SETMAR: variants seen among roughly 807,000 people sequenced by gnomAD.
SETMAR encodes histone-lysine N-methyltransferase SETMAR.
SETMAR carries 44 observed loss-of-function variants against 58.4 expected under a neutral mutation model. The ratio of observed to expected loss-of-function variants is 0.75; its 90% CI spans 0.59 to 0.97. SETMAR has a LOEUF of 0.97. SETMAR is among the 50% of genes least tolerant of loss of function. The pLI, the probability that SETMAR is intolerant of heterozygous loss-of-function variation, is 0.00. For missense variants in SETMAR, 903 were observed against 840.2 expected (o/e 1.07, Z -0.92); for synonymous variants, 332 against 307.4 (o/e 1.08, Z -0.84).
chr3:4,305,140 T>C (rs1302473522), intron 1 of SETMAR, among the ~76,000 whole-genome samples: 2 of 151,876 alleles, frequency 1.3e-5, no homozygotes, highest in African/African-American at 2.4e-5. Flanking sequence ...CAGGCTAGAG[T>C]GTGGTGGTGC....
In SETMAR at chr3:4,316,578, G is replaced by A. The variant is rs867952771; in HGVS notation, c.1387G>A (p.Glu463Lys). The A allele has an allele frequency of 1.3e-6, 2 of 1,552,000 alleles. No homozygotes were observed. The highest frequency in any genetic ancestry group is 1.7e-4 in the Middle Eastern group (1 of 6,004). ...AAAGCTCGATAAGTGGGTGCCTCAT[G>A]AGCTGACTGAAAATCAAAAAAATCG... ...VKKLDKWVPH[E>K]LTENQKNRRF... Residue 463 changes from glutamate to lysine, a missense_variant, in exon 3 of 3, where the codon GAG becomes AAG. By Grantham distance (56) the Glu-to-Lys change is moderately conservative. Transcript: ENST00000358065.
intron 2 of SETMAR, among the ~76,000 whole-genome samples, chr3:4,314,859 T>C (rs2125104301): frequency 6.6e-6 from 1 of 152,374 alleles, no homozygotes; most frequent in South Asian, 2.1e-4. Context: ...TAATTTAATT[T>C]CTTCTCTAGT....
chr3:4,303,634 C>G, intron 1 of SETMAR, 108 bp downstream of exon 1: 1 of 1,418,656 alleles, frequency 7.0e-7, no homozygotes, highest in African/African-American at 1.5e-5. Context: ...TTTGTCTTCT[C>G]TTACAGCGCA....
At chr3:4,312,598 C>T (rs1698449719) in intron 1 of SETMAR, among the ~76,000 whole-genome samples, 1 of 151,244 alleles carries the variant, frequency 6.6e-6, no homozygotes, top group Non-Finnish European at 1.5e-5. Context: ...GTAGCTGTAG[C>T]AGCTAAGGAA....
intron 1 of SETMAR, among the ~76,000 whole-genome samples, chr3:4,311,874 G>T (rs188553933): frequency 6.6e-6 from 1 of 152,294 alleles, no homozygotes; most frequent in Admixed American, 6.5e-5. Context: ...AAAAAAATCT[G>T]CTGGGTTCAT....
rs747442989 is a variant in SETMAR, at chr3:4,316,893, C to G, written c.1702C>G (p.Gln568Glu). 24 of 1,549,320 alleles carry G rather than the reference C, an allele frequency of 1.5e-5. No homozygotes were observed. In the South Asian group the frequency reaches 2.9e-4, roughly 18 times the overall value. Residue 568 changes from glutamine to glutamate, a missense_variant, in exon 3 of 3, where the codon CAA becomes GAA. Physicochemically the swap from Gln to Glu is conservative, Grantham distance 29 (BLOSUM62 2). Transcript: ENST00000358065. Reference sequence around the variant, plus strand: ...TGCTCAGGAAATCGATGAGATGAACCAAAAACTGCAACGCCTGCAGCTGGC... The same window carrying G: ...TGCTCAGGAAATCGATGAGATGAACGAAAAACTGCAACGCCTGCAGCTGGC... ...KYAQEIDEMN[Q>E]KLQRLQLALV...
chr3:4,305,767 C>G (rs1452126730), intron 1 of SETMAR, among the ~76,000 whole-genome samples: 1 of 152,136 alleles, frequency 6.6e-6, no homozygotes, highest in African/African-American at 2.4e-5. Context: ...CCCCAGGTGC[C>G]TTGGGTAGGA....
At chr3:4,303,949 T>C in intron 1 of SETMAR, 2 of 1,019,678 alleles carry the variant, frequency 2.0e-6, no homozygotes, top group South Asian at 1.7e-5. Context: ...GCCTTAGCTG[T>C]GGTCTCCCTC....
At chr3:4,303,748 C>T (rs1170086432) in intron 1 of SETMAR, 1 of 1,483,418 alleles carries the variant, frequency 6.7e-7, no homozygotes, top group Non-Finnish European at 9.1e-7. Context: ...AGTCCATTCC[C>T]TGAAGCGCAG....
At chr3:4,316,138 T>C in intron 2 of SETMAR, 74 bp from the exon 3 acceptor site, 2 of 613,130 alleles carry the variant, frequency 3.3e-6, no homozygotes, top group Non-Finnish European at 5.9e-6. Flanking sequence ...GGTCATGTTA[T>C]ACACCATTTT....
In SETMAR at chr3:4,316,062, A is replaced by G. The variant is rs893934447; in HGVS notation, c.1021-150A>G. On this transcript the variant is annotated intron_variant, in intron 2 of 2. Coordinates refer to ENST00000358065, the MANE Select transcript of SETMAR (RefSeq NM_006515.4). ...ACTCTGTCTCAAAAAAAAAAAAAAAAAAAAAAGTAACAGTTTTTGCATTGT... is the reference window on the plus strand; with the variant it reads ...ACTCTGTCTCAAAAAAAAAAAAAAAGAAAAAAGTAACAGTTTTTGCATTGT... The G allele has an allele frequency of 1.5e-5, 8 of 540,432 alleles. No homozygotes were observed. In the African/African-American group the frequency reaches 1.5e-4, roughly 10 times the overall value. The allele number at this position is 540,432 out of a possible 1,614,324, so 33.5% of individuals were successfully genotyped here. A position where few individuals can be genotyped will look rare whatever the true frequency, so the allele number is the denominator to read the frequency against.
Position 4,303,504 on chromosome 3 carries a change from G to C in SETMAR, c.134G>C (p.Gly45Ala). Residue 45 changes from glycine to alanine, a missense_variant, in exon 1 of 3, where the codon GGG becomes GCG. Physicochemically the swap from Gly to Ala is moderately conservative, Grantham distance 60. Coordinates refer to ENST00000358065, the MANE Select transcript of SETMAR (RefSeq NM_006515.4). ...TTGCCGGTGGGCGCGTGGCCCCCGG[G>C]GGCCGCGCCGGCGCCCTTCCAGGTA... ...ENLPVGAWPP[G>A]AAPAPFQYTP... The C allele has an allele frequency of 6.9e-7, 1 of 1,449,810 alleles. No homozygotes were observed. Among genetic ancestry groups the C allele is most frequent in the Non-Finnish European group, 9.0e-7 (1 of 1,107,068 alleles). The allele number at this position is 1,449,810 out of a possible 1,614,324, so 89.8% of individuals were successfully genotyped here.
In SETMAR at chr3:4,313,745, A is replaced by G. The variant is rs745949073; in HGVS notation, c.1004A>G (p.Lys335Arg). The G allele has an allele frequency of 1.2e-6, 2 of 1,614,006 alleles. No individual in the cohort carries two copies. Among genetic ancestry groups the G allele is most frequent in the South Asian group, 2.2e-5 (2 of 91,074 alleles). ...GCCCCTTCTGTGTTCCCCTCCTGCAAGCGATTGACCCTTGAGGTGAGTCTG... is the reference window on the plus strand; with the variant it reads ...GCCCCTTCTGTGTTCCCCTCCTGCAGGCGATTGACCCTTGAGGTGAGTCTG... The part of the protein sequence containing the change: ...GSAPSVFPSC[K>R]RLTLETMKMM... The change falls in exon 2 of 3, where the codon AAG becomes AGG. Residue 335 changes from lysine to arginine, a missense_variant. Coordinates refer to ENST00000358065, the MANE Select transcript of SETMAR (RefSeq NM_006515.4).
intron 1 of SETMAR, among the ~76,000 whole-genome samples, chr3:4,308,868 T>C (rs1698296145): frequency 6.6e-6 from 1 of 152,226 alleles, no homozygotes; most frequent in South Asian, 2.1e-4. Flanking sequence ...TTGAAGAGAT[T>C]TATTCTGAGC....
At position 4,313,294 on chromosome 3, in the gene SETMAR, C is replaced by G. The variant is rs1479950856; in HGVS notation, c.553C>G (p.Gln185Glu). ...TGAAGTTCAGAGAAGAATTCACTTA[C>G]AAACAAAATCCGACTCCAATTACAT... ...FSEVQRRIHL[Q>E]TKSDSNYIIA... The change falls in exon 2 of 3, where the codon CAA becomes GAA. Residue 185 changes from glutamine to glutamate, a missense_variant. Transcript: ENST00000358065. 12 of 1,613,906 alleles carry G rather than the reference C, an allele frequency of 7.4e-6. No homozygotes were observed. The highest frequency in any genetic ancestry group is 1.3e-5 in the African/African-American group (1 of 75,018).
At chr3:4,307,290 G>A (rs942883427) in intron 1 of SETMAR, among the ~76,000 whole-genome samples, 3 of 152,122 alleles carry the variant, frequency 2.0e-5, no homozygotes, top group Non-Finnish European at 2.9e-5. Flanking sequence ...TCTGGCAATC[G>A]AAAAATGCTT....
intron 2 of SETMAR, among the ~76,000 whole-genome samples, chr3:4,314,719 T>G (rs1221501425): frequency 6.6e-6 from 1 of 152,154 alleles, no homozygotes; most frequent in South Asian, 2.1e-4. Context: ...CCGTTTAAAC[T>G]TCTAGAGCAG....
At chr3:4,303,675 C>T (rs1262004704) in intron 1 of SETMAR, 149 bp downstream of exon 1, 7 of 1,489,550 alleles carry the variant, frequency 4.7e-6, no homozygotes, top group Non-Finnish European at 5.4e-6. Context: ...GGTGTGCATG[C>T]CCCGGCCTGG....
At chr3:4,313,903 T>C (rs1698530668) in intron 2 of SETMAR, 142 bp downstream of exon 2, 14 of 1,408,140 alleles carry the variant, frequency 9.9e-6, no homozygotes, top group Non-Finnish European at 1.3e-5. Flanking sequence ...TCCTTTCCCC[T>C]TTCTGTAATA....
Sources: gnomAD v4.1 joint callset for allele counts (sites outside exome capture counted in the v4.1 genomes callset) on GRCh38, gnomAD v4.1.1 for gene constraint, MANE v1.5 for transcripts, NCBI Gene and HGNC (gene_info 2026-07-23, HGNC 2026-07-21) for gene names.